The following FOXO1 variants were observed in gnomAD, a reference collection of about 807,000 sequenced individuals.
The protein encoded by FOXO1 is forkhead box O1, also known as forkhead box protein O1.
A neutral mutation model predicts 44.1 loss-of-function variants in FOXO1; 6 were observed. The ratio of observed to expected loss-of-function variants is 0.14; its 90% confidence interval spans 0.07 to 0.27. The LOEUF is 0.27. FOXO1 is among the 10% of genes least tolerant of loss of function. The pLI is 1.00. For missense variants in FOXO1, 737 were observed against 888.8 expected (o/e 0.83, Z 2.17); for synonymous variants, 380 against 362.7 (o/e 1.05, Z -0.54).
intron 1 of FOXO1, among the ~76,000 whole-genome samples, chr13:40,603,731 G>A (rs1264599170): frequency 1.3e-5 from 2 of 152,146 alleles, no homozygotes; most frequent in East Asian, 1.9e-4. Context: ...GGGTCTGACT[G>A]CAACTAATTT....
chr13:40,565,320 A>C (rs1272134583), intron 1 of FOXO1, among the ~76,000 whole-genome samples: 1 of 152,204 alleles, frequency 6.6e-6, no homozygotes, highest in African/African-American at 2.4e-5. Context: ...AAGTACACGT[A>C]AAGAGCCACT....
At chr13:40,631,033 A>G (rs1183744387) in intron 1 of FOXO1, among the ~76,000 whole-genome samples, 3 of 152,158 alleles carry the variant, frequency 2.0e-5, no homozygotes, top group Non-Finnish European at 4.4e-5. Context: ...GAGAAAGAAT[A>G]AAGCCGTTAT....
chr13:40,599,933 G>A (rs781340701), intron 1 of FOXO1, among the ~76,000 whole-genome samples: 10 of 152,178 alleles, frequency 6.6e-5, no homozygotes, highest in Non-Finnish European at 1.2e-4. Context: ...GCAGCAAGCC[G>A]ATGAAAAGAC....
At chr13:40,588,902 C>A (rs994134940) in intron 1 of FOXO1, among the ~76,000 whole-genome samples, 3 of 152,102 alleles carry the variant, frequency 2.0e-5, no homozygotes, top group African/African-American at 7.2e-5. Context: ...GTCAGGAGTT[C>A]AAGACCAGCC....
chr13:40,565,850 A>T (rs917412515), intron 1 of FOXO1, among the ~76,000 whole-genome samples: 2 of 152,234 alleles, frequency 1.3e-5, no homozygotes, highest in African/African-American at 2.4e-5. Flanking sequence ...CATAAACATT[A>T]GTCTTATTTC....
intron 1 of FOXO1, among the ~76,000 whole-genome samples, chr13:40,634,835 G>A (rs1006996697): frequency 6.6e-6 from 1 of 151,896 alleles, no homozygotes. Flanking sequence ...CCACCACCCC[G>A]CCCAGCTAAT....
At chr13:40,576,646 G>A (rs895803623) in intron 1 of FOXO1, among the ~76,000 whole-genome samples, 4 of 152,142 alleles carry the variant, frequency 2.6e-5, no homozygotes, top group African/African-American at 7.2e-5. Flanking sequence ...TGTCTCCCTC[G>A]CTGAAAATGA....
intron 1 of FOXO1, among the ~76,000 whole-genome samples, chr13:40,629,203 T>C (rs891010542): frequency 6.6e-6 from 1 of 151,570 alleles, no homozygotes; most frequent in Admixed American, 6.6e-5. Flanking sequence ...AGTGCAGTGG[T>C]GCAATCTCGG....
At chr13:40,631,152 G>A (rs73173180) in intron 1 of FOXO1, among the ~76,000 whole-genome samples, 17,888 of 152,154 alleles carry the variant, frequency 0.12, 1,458 homozygotes, top group Non-Finnish European at 0.18. Context: ...AGTCCTGCAG[G>A]GTGGAGTGGC....
chr13:40,635,467 T>C (rs1283705426), intron 1 of FOXO1, among the ~76,000 whole-genome samples: 2 of 152,206 alleles, frequency 1.3e-5, no homozygotes, highest in Non-Finnish European at 1.5e-5. Flanking sequence ...GGGGACCAGG[T>C]AGAAGCACTG....
At chr13:40,627,848 A>T (rs1194525409) in intron 1 of FOXO1, among the ~76,000 whole-genome samples, 1 of 151,036 alleles carries the variant, frequency 6.6e-6, no homozygotes, top group African/African-American at 2.4e-5. Flanking sequence ...AAAAAAAAAC[A>T]AACAAACAAC....
intron 1 of FOXO1, among the ~76,000 whole-genome samples, chr13:40,576,722 C>A (rs1874760291): frequency 6.6e-6 from 1 of 152,228 alleles, no homozygotes; most frequent in South Asian, 2.1e-4. Flanking sequence ...TGTTTTCAAA[C>A]TTACGGCATA....
At chr13:40,637,756 A>C (rs1877209844) in intron 1 of FOXO1, among the ~76,000 whole-genome samples, 1 of 152,192 alleles carries the variant, frequency 6.6e-6, no homozygotes, top group Non-Finnish European at 1.5e-5. Flanking sequence ...TCAACTGCCC[A>C]AGTGATAAAG....
chr13:40,638,879 G>A (rs752568291), intron 1 of FOXO1, among the ~76,000 whole-genome samples: 20 of 152,044 alleles, frequency 1.3e-4, no homozygotes, highest in Non-Finnish European at 2.8e-4. Flanking sequence ...GCAGGGCAGC[G>A]CACCACCTCT....
At chr13:40,664,420 G>A (rs1878147424) in intron 1 of FOXO1, among the ~76,000 whole-genome samples, 2 of 151,710 alleles carry the variant, frequency 1.3e-5, no homozygotes, top group African/African-American at 4.8e-5. Context: ...GGGCCCCCGG[G>A]CCTTCTCCTC....
At chr13:40,630,004 A>G (rs1876909011) in intron 1 of FOXO1, among the ~76,000 whole-genome samples, 1 of 152,264 alleles carries the variant, frequency 6.6e-6, no homozygotes, top group Admixed American at 6.5e-5. Context: ...ACCTTTAACT[A>G]CATTACATCT....
In FOXO1 at chr13:40,560,686, G is replaced by T. The variant is rs752161123; in HGVS notation, c.805C>A (p.Arg269=). The T allele has an allele frequency of 5.0e-6, 8 of 1,614,016 alleles. No individual in the cohort carries two copies. Among genetic ancestry groups the T allele is most frequent in the Non-Finnish European group, 6.8e-6 (8 of 1,180,036 alleles). Residue 269 remains arginine (R), a synonymous_variant, in exon 2 of 3, where the codon CGA becomes AGA. Coordinates refer to ENST00000379561, the MANE Select transcript of FOXO1 (RefSeq NM_002015.4). This position sits in a 1 kb window ranked among gnomAD's most constrained non-coding sequence, Gnocchi z 5.1. ...NNSKFAKSRS[R]AAKKKASLQS... is the part of the protein sequence containing the mutation. The stretch of plus-strand genomic sequence containing the variant: ...AGAGATGCTTTCTTCTTGGCAGCTC[G>T]GCTTCGGCTCTTAGCAAATTTACTG...
chr13:40,563,864 A>G (rs1034629779), intron 1 of FOXO1, among the ~76,000 whole-genome samples: 4 of 152,272 alleles, frequency 2.6e-5, no homozygotes, highest in African/African-American at 9.6e-5. Flanking sequence ...GCAGGCCCGC[A>G]CTTGGGGTAG....
intron 1 of FOXO1, among the ~76,000 whole-genome samples, chr13:40,606,029 C>T (rs966015134): frequency 1.3e-5 from 2 of 152,092 alleles, no homozygotes; most frequent in African/African-American, 4.8e-5. Context: ...TACTGAAAGG[C>T]TTGTTCTACT....
Sources: gnomAD v4.1 joint callset for allele counts (sites outside exome capture counted in the v4.1 genomes callset) on GRCh38, gnomAD v4.1.1 for gene constraint, Gnocchi (gnomAD v3.1) non-coding constraint, MANE v1.5 for transcripts, NCBI Gene and HGNC (gene_info 2026-07-23, HGNC 2026-07-21) for gene names.